Variants in PDZD2 observed in about 807,000 individuals in gnomAD.
PDZD2 encodes the protein PDZ domain-containing protein 2.
A neutral mutation model predicts 220.7 loss-of-function variants in PDZD2; 90 were observed. The ratio of observed to expected loss-of-function variants is 0.41; its 90% CI spans 0.34 to 0.49. PDZD2 has a LOEUF of 0.49. Among genes scored for constraint, PDZD2 ranks in the 20% least tolerant of loss-of-function variants. The pLI, the probability that PDZD2 is intolerant of heterozygous loss-of-function variation, is 0.28. For missense variants in PDZD2, 3,174 were observed against 3,608.5 expected, an observed-to-expected ratio of 0.88 and a Z score of 3.08; for synonymous variants, 1,375 against 1,450.5, an observed-to-expected ratio of 0.95 and a Z score of 1.18.
chr5:32,026,109 C>T (rs552462822), intron 6 of PDZD2, among the ~76,000 whole-genome samples: 1 of 151,108 alleles, frequency 6.6e-6, no homozygotes, highest in South Asian at 2.1e-4. Flanking sequence ...CTCTTGCTTC[C>T]TTTCCTGCTA....
Position 31,869,872 on chromosome 5 carries a change from C to A in PDZD2, c.476+70148C>A, listed in dbSNP as rs541740911. Among the ~76,000 whole-genome samples the A allele has an allele frequency of 2.6e-5, 4 of 152,272 alleles. No homozygotes were observed. In the East Asian group the frequency reaches 5.8e-4, roughly 22 times the overall value. On this transcript the variant is annotated intron_variant, in intron 2 of 24. Coordinates refer to ENST00000438447, the MANE Select transcript of PDZD2 (RefSeq NM_178140.4). The stretch of plus-strand genomic sequence containing the variant: ...GGGCAGAGAGAGGGGTGGGTCTGAC[C>A]CCCTGTAGAAGGTGGTGATGGCGTC...
chr5:31,894,610 G>A (rs34808837), intron 2 of PDZD2, among the ~76,000 whole-genome samples: 26,723 of 152,106 alleles, frequency 0.18, 2,570 homozygotes, highest in Non-Finnish European at 0.21. Context: ...CCAGACCCCT[G>A]TCCGCATGTA....
At chr5:31,887,905 G>A (rs1010652854) in intron 2 of PDZD2, among the ~76,000 whole-genome samples, 2 of 152,104 alleles carry the variant, frequency 1.3e-5, no homozygotes, top group Non-Finnish European at 1.5e-5. Context: ...GCTTTGAAAG[G>A]CTGCTTAGCC....
chr5:31,698,642 G>A (rs1037069830), intron 1 of PDZD2, among the ~76,000 whole-genome samples: 12 of 151,632 alleles, frequency 7.9e-5, no homozygotes, highest in Non-Finnish European at 1.3e-4. Flanking sequence ...TGGAACCAGC[G>A]CTGAATGTCC....
intron 23 of PDZD2, chr5:32,100,270 AG>A: frequency 1.8e-5 from 3 of 163,874 alleles, no homozygotes; most frequent in South Asian, 1.7e-4. Context: ...CCTAGTGAAC[AG>A]TGAACAGAGG....
chr5:31,665,095 T>G (rs1745930398), intron 1 of PDZD2: 1 of 152,286 alleles, frequency 6.6e-6, no homozygotes, highest in Admixed American at 6.5e-5. Flanking sequence ...ATAAGTACTT[T>G]ACTGCAGGGG....
chr5:31,665,286 T>C (rs1289484848), intron 1 of PDZD2, among the ~76,000 whole-genome samples: 1 of 152,154 alleles, frequency 6.6e-6, no homozygotes, highest in Non-Finnish European at 1.5e-5. Context: ...TTCCTGTCCC[T>C]GGAATTTTTC....
intron 2 of PDZD2, among the ~76,000 whole-genome samples, chr5:31,907,812 C>T (rs896457217): frequency 2.8e-4 from 43 of 152,146 alleles, no homozygotes; most frequent in African/African-American, 8.2e-4. Flanking sequence ...TGGCTGGGCC[C>T]GGTGGCTTAT....
Position 32,087,414 on chromosome 5 carries a change from C to A in PDZD2, c.3966C>A (p.Ala1322=). 6.2e-7 allele frequency: 1 copy of A among 1,614,136 alleles called. No individual in the cohort carries two copies. The highest frequency in any genetic ancestry group is 8.5e-7 in the Non-Finnish European group (1 of 1,180,010). Residue 1322 remains alanine, a synonymous_variant, in exon 20 of 25, where the codon GCC becomes GCA. Coordinates refer to ENST00000438447, the MANE Select transcript of PDZD2 (RefSeq NM_178140.4). This position sits in a 1 kb window ranked among gnomAD's most constrained non-coding sequence, Gnocchi z 4.0. The part of the protein sequence containing the change: ...STPHNTRRVA[A]LRGAGPGAEG... ...CCCACAATACCAGGAGGGTGGCTGC[C>A]CTCAGGGGAGCGGGACCTGGAGCAG...
chr5:31,920,660 AAACG>A (rs762813269), intron 2 of PDZD2, among the ~76,000 whole-genome samples: 1 of 151,682 alleles, frequency 6.6e-6, no homozygotes, highest in Non-Finnish European at 1.5e-5. Flanking sequence ...TTTTTTTTTT[AAACG>A]AACCAGGCGT....
chr5:31,703,331 A>G (rs1230369529), intron 1 of PDZD2, among the ~76,000 whole-genome samples: 2 of 152,248 alleles, frequency 1.3e-5, no homozygotes, highest in African/African-American at 4.8e-5. Context: ...TGGCAGGGAC[A>G]TGGATGAAGC....
intron 6 of PDZD2, among the ~76,000 whole-genome samples, chr5:32,022,816 T>A (rs1159962627): frequency 1.3e-5 from 2 of 152,218 alleles, no homozygotes; most frequent in African/African-American, 4.8e-5. Flanking sequence ...AATTTTGACT[T>A]CTTTTGCAAG....
chr5:32,010,546 G>A (rs1049780500), intron 6 of PDZD2, 64 bp downstream of exon 6: 1 of 1,106,476 alleles, frequency 9.0e-7, no homozygotes, highest in Non-Finnish European at 1.4e-6. Flanking sequence ...CTGGGCGCCA[G>A]GATTAGGGGA....
At chr5:32,099,589 T>G (rs1744062792) in intron 23 of PDZD2, 1 of 152,256 alleles carries the variant, frequency 6.6e-6, no homozygotes, top group Admixed American at 6.5e-5. Flanking sequence ...GGGAAACACC[T>G]TGGTCATCAG....
rs59916833 is a variant in PDZD2, at chr5:31,890,135, A to ATT, written c.476+90429_476+90430dup. On this transcript the variant is annotated intron_variant, in intron 2 of 24. Coordinates refer to ENST00000438447, the MANE Select transcript of PDZD2 (RefSeq NM_178140.4). ...CAAGGCTGGGTTGTTCTTTTTTGTG[A>ATT]TTTTTTTTTTTTTTTTTTTGTGGAG... 1.3e-3 allele frequency among the ~76,000 whole-genome samples: 125 copies of ATT among 98,236 alleles called. 2 individuals are homozygous for ATT. The highest frequency in any genetic ancestry group is 4.2e-3 in the African/African-American group (109 of 25,892). 64.4% of individuals were successfully genotyped at this position (98,236 alleles called of 152,430 possible). A position where few individuals can be genotyped will look rare whatever the true frequency, so the allele number is the denominator to read the frequency against.
intron 1 of PDZD2, among the ~76,000 whole-genome samples, chr5:31,795,803 A>G (rs988684574): frequency 6.6e-6 from 1 of 152,202 alleles, no homozygotes; most frequent in Admixed American, 6.5e-5. Context: ...GTTTATAGAA[A>G]AATCCCAGGC....
chr5:32,019,503 A>T (rs1442398928), intron 6 of PDZD2, among the ~76,000 whole-genome samples: 2 of 152,208 alleles, frequency 1.3e-5, no homozygotes, highest in Non-Finnish European at 2.9e-5. Flanking sequence ...CCATAATAGA[A>T]TAGGCACACC....
chr5:31,879,819 G>A (rs74942888), intron 2 of PDZD2, among the ~76,000 whole-genome samples: 1 of 151,186 alleles, frequency 6.6e-6, no homozygotes, highest in Non-Finnish European at 1.5e-5. Context: ...GAAAAAAAAA[G>A]TGCCTTCAGT....
At chr5:31,876,268 C>T (rs1580965902) in intron 2 of PDZD2, among the ~76,000 whole-genome samples, 2 of 149,848 alleles carry the variant, frequency 1.3e-5, no homozygotes, top group South Asian at 2.1e-4. Flanking sequence ...TAAAGGAATG[C>T]GCTTGATTTT....
Sources: gnomAD v4.1 joint callset for allele counts (sites outside exome capture counted in the v4.1 genomes callset) on GRCh38, gnomAD v4.1.1 for gene constraint, Gnocchi (gnomAD v3.1) non-coding constraint, MANE v1.5 for transcripts, NCBI Gene and HGNC (gene_info 2026-07-23, HGNC 2026-07-21) for gene names.